Variants in CSMD1 observed in about 807,000 individuals in gnomAD.
CSMD1 encodes CUB and sushi domain-containing protein 1.
In CSMD1, 213 loss-of-function variants were observed where a neutral mutation model predicts 417.5. The ratio of observed to expected loss-of-function variants is 0.51; its 90% confidence interval spans 0.46 to 0.57. The LOEUF is 0.57. Ranked by LOEUF, CSMD1 falls within the 20% of genes least tolerant of loss-of-function variation. CSMD1 has a pLI of 0.00. For synonymous variants in CSMD1, 2,862 were observed against 1,736.8 expected, an observed-to-expected ratio of 1.65 and a Z score of -16.11; for missense variants, 6,923 against 4,529.7, an observed-to-expected ratio of 1.53 and a Z score of -15.17.
At chr8:3,426,810 T>A (rs28758751) in intron 12 of CSMD1, among the ~76,000 whole-genome samples, 14,085 of 152,246 alleles carry the variant, frequency 0.093, 803 homozygotes, top group Middle Eastern at 0.16. Flanking sequence ...TTCCTCATGT[T>A]CCAAATCACT....
chr8:4,380,101 A>C (rs1803005502), intron 3 of CSMD1, among the ~76,000 whole-genome samples: 1 of 152,212 alleles, frequency 6.6e-6, no homozygotes, highest in East Asian at 1.9e-4. Flanking sequence ...ATGGGAGAAA[A>C]ATAAAACAAA....
intron 7 of CSMD1, among the ~76,000 whole-genome samples, chr8:3,642,602 G>A (rs77995578): frequency 0.027 from 4,114 of 152,266 alleles, 80 homozygotes; most frequent in South Asian, 0.049. Flanking sequence ...CAAACCAAAC[G>A]AGAAAACCTG....
At chr8:4,403,626 G>T (rs896008422) in intron 3 of CSMD1, among the ~76,000 whole-genome samples, 5 of 152,072 alleles carry the variant, frequency 3.3e-5, no homozygotes, top group Non-Finnish European at 1.5e-5. Flanking sequence ...TCACCATCTG[G>T]TCTACTTAGT....
At chr8:3,964,479 G>A (rs79249802) in intron 5 of CSMD1, among the ~76,000 whole-genome samples, 2,568 of 152,176 alleles carry the variant, frequency 0.017, 61 homozygotes, top group African/African-American at 0.057. Context: ...TCATTTTGCC[G>A]CATTTGTATT....
At chr8:4,242,644 G>T (rs1055555850) in intron 3 of CSMD1, among the ~76,000 whole-genome samples, 23 of 152,114 alleles carry the variant, frequency 1.5e-4, no homozygotes, top group African/African-American at 5.6e-4. Flanking sequence ...TGTGTGTTTG[G>T]AAATAGATTC....
chr8:3,518,938 T>G (rs1329992769), intron 10 of CSMD1, among the ~76,000 whole-genome samples: 1 of 152,230 alleles, frequency 6.6e-6, no homozygotes, highest in Non-Finnish European at 1.5e-5. Context: ...TATTGTCCCT[T>G]TTATTTGGTT....
At chr8:4,426,953 C>G (rs767970067) in intron 2 of CSMD1, among the ~76,000 whole-genome samples, 6 of 151,904 alleles carry the variant, frequency 3.9e-5, no homozygotes, top group Admixed American at 2.6e-4. Context: ...AGTATTCGGT[C>G]ACTGGATAAG....
At chr8:3,378,290 G>T (rs936937233) in intron 18 of CSMD1, among the ~76,000 whole-genome samples, 4 of 152,126 alleles carry the variant, frequency 2.6e-5, no homozygotes, top group African/African-American at 9.7e-5. Flanking sequence ...CCAGGACCAG[G>T]TGGATTCACA....
rs139479931 is a variant in CSMD1, at chr8:4,013,529, T to A, written c.611-15419A>T. 2.6e-5 allele frequency among the ~76,000 whole-genome samples: 4 copies of A among 152,290 alleles called. No individual in the cohort carries two copies. In the East Asian group the frequency reaches 5.8e-4, roughly 22 times the overall value. On this transcript the variant is annotated intron_variant, in intron 4 of 69. Coordinates refer to ENST00000635120, the MANE Select transcript of CSMD1 (RefSeq NM_033225.6). ...GCAGTGACCAGGCAGATGGTCACCA[T>A]AGCTCTTAATTACATGTCAGCTTCT...
intron 1 of CSMD1, among the ~76,000 whole-genome samples, chr8:4,757,055 A>G (rs1333891696): frequency 1.3e-5 from 2 of 152,272 alleles, no homozygotes; most frequent in African/African-American, 4.8e-5. Flanking sequence ...ATTGTGTTTA[A>G]GAAACTGAAA....
At position 4,078,890 on chromosome 8, in the gene CSMD1, A is replaced by C. The variant is rs1799969829; in HGVS notation, c.416-46791T>G. 2.6e-5 allele frequency among the ~76,000 whole-genome samples: 3 copies of C among 115,710 alleles called. No individual in the cohort carries two copies. The South Asian group carries it at 7.9e-4, about 30-fold the overall frequency. 75.9% of individuals were successfully genotyped at this position (115,710 alleles called of 152,430 possible). The stretch of plus-strand genomic sequence containing the variant: ...GTCTCTACTAAAATTAATAATAATA[A>C]TAATAAATATATATATATATATATA... On this transcript the variant is annotated intron_variant, in intron 3 of 69. Coordinates refer to ENST00000635120, the MANE Select transcript of CSMD1 (RefSeq NM_033225.6).
At chr8:3,338,520 G>C (rs1004960009) in intron 23 of CSMD1, among the ~76,000 whole-genome samples, 3 of 152,170 alleles carry the variant, frequency 2.0e-5, no homozygotes, top group Non-Finnish European at 4.4e-5. Flanking sequence ...TCTGGTTGTG[G>C]GGCAGGATGA....
intron 41 of CSMD1, among the ~76,000 whole-genome samples, chr8:3,133,836 T>G (rs1817927037): frequency 6.6e-6 from 1 of 152,054 alleles, no homozygotes; most frequent in African/African-American, 2.4e-5. Context: ...TGAGAAAGGG[T>G]GGCATGGCCT....
chr8:3,695,612 G>A (rs1051986218), intron 7 of CSMD1, among the ~76,000 whole-genome samples: 1 of 152,222 alleles, frequency 6.6e-6, no homozygotes, highest in South Asian at 2.1e-4. Flanking sequence ...AAATGTTCAC[G>A]TGTTTCACAA....
intron 5 of CSMD1, among the ~76,000 whole-genome samples, chr8:3,899,241 C>T (rs1262758634): frequency 6.6e-6 from 1 of 152,132 alleles, no homozygotes; most frequent in African/African-American, 2.4e-5. Context: ...AAGTTGGCAC[C>T]AGTGTGGGCA....
intron 2 of CSMD1, among the ~76,000 whole-genome samples, chr8:4,425,182 G>C (rs897141618): frequency 6.6e-6 from 1 of 151,926 alleles, no homozygotes; most frequent in Non-Finnish European, 1.5e-5. Flanking sequence ...AAAAAATTGT[G>C]ATTACGAAGG....
intron 1 of CSMD1, among the ~76,000 whole-genome samples, chr8:4,838,039 G>C (rs1035669254): frequency 2.6e-5 from 4 of 152,232 alleles, no homozygotes. Context: ...CTGCAGGCAA[G>C]GCAGTGTGAA....
intron 6 of CSMD1, among the ~76,000 whole-genome samples, chr8:3,717,900 A>G (rs1473663080): frequency 6.6e-6 from 1 of 152,160 alleles, no homozygotes; most frequent in Non-Finnish European, 1.5e-5. Context: ...TTCCAAGAAT[A>G]ATTTGCTAGA....
At chr8:4,612,166 C>A (rs1801212013) in intron 2 of CSMD1, among the ~76,000 whole-genome samples, 1 of 152,072 alleles carries the variant, frequency 6.6e-6, no homozygotes, top group Admixed American at 6.6e-5. Context: ...CGGTCGGTGG[C>A]TTGAACGCTG....
Sources: allele counts gnomAD v4.1 joint callset (sites outside exome capture counted in the v4.1 genomes callset), GRCh38; gene constraint gnomAD v4.1.1; transcripts MANE v1.5; gene names NCBI Gene and HGNC (gene_info 2026-07-23, HGNC 2026-07-21).